SETD3: variants seen among roughly 807,000 people sequenced by gnomAD.
The protein encoded by SETD3 is actin-histidine N-methyltransferase.
Under a neutral mutation model 63.0 loss-of-function variants are expected in SETD3, and 19 were observed. That is an observed-to-expected ratio of 0.30 (90% CI 0.21 to 0.44). The LOEUF (loss-of-function observed/expected upper bound fraction) is 0.44. Among genes scored for constraint, SETD3 ranks in the 20% least tolerant of loss-of-function variants. The probability of loss-of-function intolerance (pLI) is 1.00; values close to 1 mark genes in which losing one functional copy is unlikely to be tolerated. For missense variants in SETD3, 587 were observed against 728.5 expected, an observed-to-expected ratio of 0.81 and a Z score of 2.24; for synonymous variants, 286 against 264.1, an observed-to-expected ratio of 1.08 and a Z score of -0.80.
chr14:99,432,338 C>G (rs1384597105), intron 6 of SETD3, among the ~76,000 whole-genome samples: 1 of 152,134 alleles, frequency 6.6e-6, no homozygotes, highest in Non-Finnish European at 1.5e-5. Flanking sequence ...GTATTTCAGT[C>G]TTCATTACAA....
At chr14:99,483,080 A>G (rs1036099181), upstream of SETD3, among the ~76,000 whole-genome samples, 2 of 152,240 alleles carry the variant, frequency 1.3e-5, no homozygotes, top group African/African-American at 4.8e-5. Flanking sequence ...ACAGTTAATG[A>G]TAGAAGACTA....
At chr14:99,429,533 C>T (rs928786256) in intron 6 of SETD3, among the ~76,000 whole-genome samples, 2 of 152,188 alleles carry the variant, frequency 1.3e-5, no homozygotes, top group African/African-American at 4.8e-5. Context: ...GGCATTTGGT[C>T]TGTTTCATGA....
intron 1 of SETD3, among the ~76,000 whole-genome samples, chr14:99,475,560 G>T (rs1428251255): frequency 2.6e-5 from 4 of 152,202 alleles, no homozygotes; most frequent in Non-Finnish European, 5.9e-5. Flanking sequence ...GTCAGCTTTT[G>T]TGTCTCCCCA....
chr14:99,407,362 C>T (rs1305756477), intron 8 of SETD3, among the ~76,000 whole-genome samples: 1 of 152,196 alleles, frequency 6.6e-6, no homozygotes, highest in Non-Finnish European at 1.5e-5. Context: ...GTCAGCATTT[C>T]ATCTTGTAAA....
rs766386845 is a variant in SETD3, at chr14:99,458,401, T to A, written c.553A>T (p.Thr185Ser). Residue 185 changes from threonine (T) to serine (S), a missense_variant, in exon 6 of 13, where the codon ACT becomes TCT. By Grantham distance (58) the Thr-to-Ser change is moderately conservative. Coordinates refer to ENST00000331768, the MANE Select transcript of SETD3 (RefSeq NM_032233.3). ...YIQTLPSEYD[T>S]PLYFEEDEVR... ...TCATCTTCTTCAAAGTAGAGAGGAGTGTCATATTCACTGGGGAGGGTTTGA... is the reference window on the plus strand; with the variant it reads ...TCATCTTCTTCAAAGTAGAGAGGAGAGTCATATTCACTGGGGAGGGTTTGA... 3.7e-5 allele frequency: 60 copies of A among 1,613,780 alleles called. No individual in the cohort carries two copies. Among genetic ancestry groups the A allele is most frequent in the Non-Finnish European group, 9.3e-6 (11 of 1,180,006 alleles).
intron 6 of SETD3, among the ~76,000 whole-genome samples, chr14:99,456,990 T>C (rs1276150331): frequency 6.6e-6 from 1 of 152,224 alleles, no homozygotes; most frequent in Non-Finnish European, 1.5e-5. Context: ...TAGTTCATTG[T>C]CCAGCAAGAG....
In SETD3 at chr14:99,465,751, T is replaced by C; in HGVS notation, c.55A>G (p.Thr19Ala). The C allele has an allele frequency of 1.2e-6, 2 of 1,614,134 alleles. No homozygotes were observed. The highest frequency in any genetic ancestry group is 1.7e-6 in the Non-Finnish European group (2 of 1,179,988). ...TTCAAGATTTCCTTTGGTGACACAG[T>C]TGCTGTAGCACCAGTGCCAGATTTC... ...TQKSGTGATA[T>A]VSPKEILNLT... The change falls in exon 2 of 13, where the codon ACT becomes GCT. Residue 19 changes from threonine to alanine, a missense_variant. Transcript: ENST00000331768.
In SETD3 at chr14:99,465,740, T is replaced by G; in HGVS notation, c.66A>C (p.Pro22=). ...CACTGGTCAGGTTCAAGATTTCCTT[T>G]GGTGACACAGTTGCTGTAGCACCAG... ...SGTGATATVS[P]KEILNLTSEL... Residue 22 remains proline (P), a synonymous_variant, in exon 2 of 13, where the codon CCA becomes CCC. Coordinates refer to ENST00000331768, the MANE Select transcript of SETD3 (RefSeq NM_032233.3). 1.2e-6 allele frequency: 2 copies of G among 1,614,106 alleles called. No homozygotes were observed. Among genetic ancestry groups the G allele is most frequent in the Non-Finnish European group, 1.7e-6 (2 of 1,179,984 alleles).
At chr14:99,439,068 A>G (rs1321088202) in intron 6 of SETD3, among the ~76,000 whole-genome samples, 1 of 152,234 alleles carries the variant, frequency 6.6e-6, no homozygotes, top group Non-Finnish European at 1.5e-5. Flanking sequence ...AGCACGTATC[A>G]CACAAAGAGA....
intron 2 of SETD3, among the ~76,000 whole-genome samples, chr14:99,465,389 A>G (rs1022369469): frequency 6.6e-6 from 1 of 152,230 alleles, no homozygotes; most frequent in Non-Finnish European, 1.5e-5. Context: ...CGAGCGGCAC[A>G]CTGTGAAAAA....
intron 6 of SETD3, among the ~76,000 whole-genome samples, chr14:99,450,403 G>C (rs1056765737): frequency 4.2e-4 from 64 of 152,330 alleles, no homozygotes; most frequent in African/African-American, 1.5e-3. Context: ...GAAAATGTTT[G>C]TATTTAGCCA....
intron 3 of SETD3, among the ~76,000 whole-genome samples, chr14:99,461,609 G>A (rs7149339): frequency 0.022 from 3,388 of 152,278 alleles, 126 homozygotes; most frequent in African/African-American, 0.077. Context: ...GGTACTATTA[G>A]GTAATACGAT....
intron 6 of SETD3, among the ~76,000 whole-genome samples, chr14:99,423,985 T>C (rs1381421209): frequency 1.3e-5 from 2 of 152,068 alleles, no homozygotes; most frequent in Admixed American, 6.5e-5. Context: ...GAGGAAATAC[T>C]ATCTCACATT....
chr14:99,448,007 G>A (rs565338311), intron 6 of SETD3, among the ~76,000 whole-genome samples: 2 of 152,276 alleles, frequency 1.3e-5, no homozygotes, highest in African/African-American at 4.8e-5. Flanking sequence ...TTTTAAACAA[G>A]ATTGCTCTGC....
rs1398941436 is a variant in SETD3 at position 99,399,080 on chromosome 14, T to C, written c.1384A>G (p.Lys462Glu). The change falls in exon 13 of 13, where the codon AAA (lysine) becomes GAA (glutamate). Residue 462 changes from lysine to glutamate, a missense_variant. Transcript: ENST00000331768. Reference protein sequence around the residue: ...LKNHDLSVRAKMAIKLRLGEK... With the variant: ...LKNHDLSVRAEMAIKLRLGEK... The stretch of plus-strand genomic sequence containing the variant: ...CCTAAGCGCAATTTGATGGCCATTT[T>C]TGCACGAACAGAAAGATCGTGGTTT... 1.2e-5 allele frequency: 19 copies of C among 1,614,006 alleles called. No homozygotes were observed. Among genetic ancestry groups the C allele is most frequent in the Non-Finnish European group, 1.5e-5 (18 of 1,180,008 alleles).
At chr14:99,473,175 C>G (rs1173473972) in intron 1 of SETD3, among the ~76,000 whole-genome samples, 1 of 152,204 alleles carries the variant, frequency 6.6e-6, no homozygotes, top group Non-Finnish European at 1.5e-5. Context: ...ACAGGGGCAT[C>G]TGTAATCAAC....
chr14:99,424,355 G>C (rs1016538859), intron 6 of SETD3, among the ~76,000 whole-genome samples: 2 of 152,190 alleles, frequency 1.3e-5, no homozygotes, highest in African/African-American at 4.8e-5. Flanking sequence ...AAGCAGGAAC[G>C]TGGGGAGGAT....
chr14:99,405,172 C>A (rs759210977), intron 10 of SETD3, 33 bp downstream of exon 10: 1 of 1,596,020 alleles, frequency 6.3e-7, no homozygotes, highest in South Asian at 1.1e-5. Context: ...TCAAGTACTG[C>A]AAGAAAGGGC....
chr14:99,412,902 C>T (rs1343190786), intron 8 of SETD3, 49 bp downstream of exon 8: 1 of 1,320,970 alleles, frequency 7.6e-7, no homozygotes, highest in Non-Finnish European at 1.1e-6. Flanking sequence ...CAAAGCTTAG[C>T]AACAACAGCC....
Sources: gnomAD v4.1 joint callset for allele counts (sites outside exome capture counted in the v4.1 genomes callset) on GRCh38, gnomAD v4.1.1 for gene constraint, MANE v1.5 for transcripts, NCBI Gene and HGNC (gene_info 2026-07-23, HGNC 2026-07-21) for gene names.